Variants in EYS observed in about 807,000 individuals in gnomAD.
EYS encodes EGF-like photoreceptor maintenance factor, also known as protein eyes shut homolog.
In EYS, 250 loss-of-function variants were observed where a neutral mutation model predicts 282.1. The observed-to-expected ratio is 0.89, with a 90% confidence interval of 0.80 to 0.98. EYS has a LOEUF of 0.98. Among genes scored for constraint, EYS ranks in the 50% least tolerant of loss-of-function variants. The probability of loss-of-function intolerance (pLI) is 0.00; values close to 1 mark genes in which losing one functional copy is unlikely to be tolerated. For missense variants in EYS, 4,016 were observed against 3,709.0 expected (o/e 1.08, Z -2.15); for synonymous variants, 1,355 against 1,282.9 (o/e 1.06, Z -1.20).
chr6:64,593,162 C>A lies in EYS; in HGVS notation c.3832G>T (p.Ala1278Ser), dbSNP rs775270768. The change falls in exon 25 of 43, where the codon GCT (alanine) becomes TCT (serine). Residue 1278 changes from alanine to serine, a missense_variant. Ala to Ser is a moderately conservative substitution (Grantham distance 99, BLOSUM62 1). Transcript: ENST00000503581. Reference protein sequence around the residue: ...TLVSSFPSIKATRIPAIMDTY... With the variant: ...TLVSSFPSIKSTRIPAIMDTY... ...TCCATTATGGCTGGTATTCTAGTAG[C>A]CTTTATAGATGGAAAGCTGCTGACC... 262 of 1,547,330 alleles carry A rather than the reference C, an allele frequency of 1.7e-4. No homozygotes were observed. Among genetic ancestry groups the A allele is most frequent in the Non-Finnish European group, 2.1e-4 (241 of 1,145,182 alleles).
At position 65,108,175 on chromosome 6, in the gene EYS, C is replaced by G. The variant is rs568667553; in HGVS notation, c.2024-50448G>C. ...GCTCGAAGAACTTCTTTTTGACTTT[C>G]TTGTAATGCAGGTCCGTTTAGAGAT... On this transcript the variant is annotated intron_variant, in intron 12 of 42. Coordinates refer to ENST00000503581, the MANE Select transcript of EYS (RefSeq NM_001142800.2). Among the ~76,000 whole-genome samples, 27 of 134,780 alleles carry G rather than the reference C, an allele frequency of 2.0e-4. No individual in the cohort carries two copies. The South Asian group carries it at 6.3e-3, about 32-fold the overall frequency. The allele number at this position is 134,780 out of a possible 152,430, so 88.4% of individuals were successfully genotyped here.
intron 19 of EYS, among the ~76,000 whole-genome samples, chr6:64,835,895 C>T (rs1381953637): frequency 2.0e-5 from 3 of 151,410 alleles, no homozygotes; most frequent in African/African-American, 7.3e-5. Flanking sequence ...ATCAGTAAGA[C>T]CTAAATTAAG....
intron 22 of EYS, among the ~76,000 whole-genome samples, chr6:64,653,988 A>C (rs995488831): frequency 6.6e-6 from 1 of 152,188 alleles, no homozygotes; most frequent in Non-Finnish European, 1.5e-5. Context: ...ATATTCATAA[A>C]GATGTTAAAC....
intron 35 of EYS, among the ~76,000 whole-genome samples, chr6:63,877,124 G>A (rs1472705466): frequency 6.6e-6 from 1 of 152,124 alleles, no homozygotes; most frequent in Non-Finnish European, 1.5e-5. Flanking sequence ...TCCTTTCCAT[G>A]TTTAGTGCTT....
chr6:65,597,390 T>C (rs1317184241), intron 2 of EYS, among the ~76,000 whole-genome samples: 1 of 152,062 alleles, frequency 6.6e-6, no homozygotes, highest in African/African-American at 2.4e-5. Flanking sequence ...GAGTTCACAG[T>C]AAGCTACAAG....
chr6:63,996,184 T>G (rs2149800161), intron 34 of EYS, among the ~76,000 whole-genome samples: 1 of 152,150 alleles, frequency 6.6e-6, no homozygotes, highest in East Asian at 1.9e-4. Context: ...ACAACATAGA[T>G]GAACCTTGAG....
chr6:64,678,607 A>AT (rs1358269168), intron 22 of EYS, among the ~76,000 whole-genome samples: 2 of 151,858 alleles, frequency 1.3e-5, no homozygotes, highest in Non-Finnish European at 2.9e-5. Context: ...AATTTGAAAT[A>AT]TTTTTTTCAC....
chr6:64,230,886 A>C (rs1459781192), intron 30 of EYS, 62 bp from the exon 31 acceptor site: 43 of 972,648 alleles, frequency 4.4e-5, no homozygotes, highest in Middle Eastern at 2.3e-4. Context: ...ACATAAATAG[A>C]AATAATAGAA....
intron 8 of EYS, among the ~76,000 whole-genome samples, chr6:65,355,790 A>G (rs942352857): frequency 1.3e-5 from 2 of 152,092 alleles, no homozygotes; most frequent in Non-Finnish European, 2.9e-5. Flanking sequence ...ATCATCTTAT[A>G]CCAATCAGAA....
At chr6:64,814,854 A>T (rs1252745975) in intron 21 of EYS, among the ~76,000 whole-genome samples, 1 of 152,018 alleles carries the variant, frequency 6.6e-6, no homozygotes, top group Non-Finnish European at 1.5e-5. Context: ...AACATAAAAT[A>T]CTTCTTCAGC....
At chr6:63,999,718 G>A (rs557854005) in intron 33 of EYS, among the ~76,000 whole-genome samples, 1 of 152,290 alleles carries the variant, frequency 6.6e-6, no homozygotes, top group African/African-American at 2.4e-5. Context: ...GTATCGGCTG[G>A]TACTGTATCT....
chr6:65,267,263 A>C (rs1767782331), intron 12 of EYS, among the ~76,000 whole-genome samples: 1 of 151,858 alleles, frequency 6.6e-6, no homozygotes, highest in Non-Finnish European at 1.5e-5. Flanking sequence ...TAATTCTGCA[A>C]TTTTCTTTTC....
intron 36 of EYS, among the ~76,000 whole-genome samples, chr6:63,833,901 T>C (rs532198991): frequency 2.2e-3 from 339 of 152,100 alleles, no homozygotes; most frequent in Non-Finnish European, 2.8e-3. Context: ...TCGGAAATAA[T>C]ACCACACGTC....
At position 63,940,403 on chromosome 6, in the gene EYS, T is replaced by C. The variant is rs574233555; in HGVS notation, c.7055+43980A>G. Among the ~76,000 whole-genome samples, 26 of 152,332 alleles carry C rather than the reference T, an allele frequency of 1.7e-4. No homozygotes were observed. The South Asian group carries it at 5.2e-3, about 30-fold the overall frequency. Reference sequence around the variant, plus strand: ...AACTTTGTACTTTCTGCAAAATACCTTTTAATCTTATATTGAAAATTCAGC... The same window carrying C: ...AACTTTGTACTTTCTGCAAAATACCCTTTAATCTTATATTGAAAATTCAGC... On this transcript the variant is annotated intron_variant, in intron 35 of 42. Transcript: ENST00000503581.
At chr6:64,127,723 T>C (rs1562215062) in intron 31 of EYS, among the ~76,000 whole-genome samples, 1 of 152,100 alleles carries the variant, frequency 6.6e-6, no homozygotes. Flanking sequence ...AACAAATGTA[T>C]CTGGGGCAAT....
intron 41 of EYS, among the ~76,000 whole-genome samples, chr6:63,735,316 T>G (rs868626537): frequency 9.2e-5 from 14 of 152,246 alleles, no homozygotes; most frequent in South Asian, 2.1e-4. Context: ...AATGGAAATA[T>G]AATTTTTTAT....
At chr6:63,833,819 G>C (rs1167862222) in intron 36 of EYS, among the ~76,000 whole-genome samples, 1 of 152,122 alleles carries the variant, frequency 6.6e-6, no homozygotes, top group African/African-American at 2.4e-5. Flanking sequence ...ATACTACAAG[G>C]CTACAGTAAC....
In EYS at chr6:65,384,651, A is replaced by AT; in HGVS notation, c.1185-152_1185-151insA. On this transcript the variant is annotated intron_variant, in intron 7 of 42. Transcript: ENST00000503581. ...TACATACCTGTGATCTTAGCCAAAA[A>AT]GCTCCTATTTATGTATTTGGAAAGA... 4 of 577,012 alleles carry AT rather than the reference A, an allele frequency of 6.9e-6. No homozygotes were observed. In the South Asian group the frequency reaches 8.8e-5, roughly 13 times the overall value. 35.7% of individuals were successfully genotyped at this position (577,012 alleles called of 1,614,324 possible).
intron 14 of EYS, among the ~76,000 whole-genome samples, chr6:64,950,798 C>CATATATATATATATATATATATATATAT (rs1171736217): frequency 1.8e-5 from 1 of 54,232 alleles, no homozygotes; most frequent in Non-Finnish European, 3.3e-5. Flanking sequence ...TATACATATA[C>CATATATATATATATATATATATATATAT]ATATATATAT....
Sources: gnomAD v4.1 joint callset for allele counts (sites outside exome capture counted in the v4.1 genomes callset) on GRCh38, gnomAD v4.1.1 for gene constraint, MANE v1.5 for transcripts, NCBI Gene and HGNC (gene_info 2026-07-23, HGNC 2026-07-21) for gene names.